Variants in AFAP1 observed in about 807,000 individuals in gnomAD.
AFAP1 encodes the protein actin filament associated protein 1.
Under a neutral mutation model 93.9 loss-of-function variants are expected in AFAP1, and 75 were observed. That is an observed-to-expected ratio of 0.80 (90% CI 0.66 to 0.97). AFAP1 has a LOEUF of 0.97. Ranked by LOEUF, AFAP1 falls within the 50% of genes least tolerant of loss-of-function variation. AFAP1 has a pLI of 0.00. For missense variants in AFAP1, 1,201 were observed against 1,050.8 expected (o/e 1.14, Z -1.98); for synonymous variants, 517 against 430.7 (o/e 1.20, Z -2.48).
At chr4:7,804,266 G>A (rs1719307238) in intron 9 of AFAP1, among the ~76,000 whole-genome samples, 1 of 152,220 alleles carries the variant, frequency 6.6e-6, no homozygotes, top group African/African-American at 2.4e-5. Flanking sequence ...GCAGGCGGGA[G>A]CTTCAAGGCT....
chr4:7,785,648 G>A (rs113360052), intron 12 of AFAP1, among the ~76,000 whole-genome samples: 73 of 152,288 alleles, frequency 4.8e-4, no homozygotes, highest in African/African-American at 1.4e-3. Flanking sequence ...TAGTGACAGC[G>A]ACATTAGGCC....
intron 11 of AFAP1, among the ~76,000 whole-genome samples, chr4:7,789,581 C>T (rs112491521): frequency 0.1 from 12,203 of 119,384 alleles, 1,559 homozygotes; most frequent in Admixed American, 0.18. Flanking sequence ...CATCTCCCCA[C>T]GCTCCGCACC....
At chr4:7,862,679 G>T (rs6838073) in intron 3 of AFAP1, among the ~76,000 whole-genome samples, 1 of 152,014 alleles carries the variant, frequency 6.6e-6, no homozygotes, top group Admixed American at 6.5e-5. Flanking sequence ...ATAAGTTCTG[G>T]CCCTAAAATA....
intron 8 of AFAP1, among the ~76,000 whole-genome samples, chr4:7,813,090 T>C (rs1217464886): frequency 2.6e-5 from 4 of 151,920 alleles, no homozygotes; most frequent in Non-Finnish European, 5.9e-5. Context: ...TTTGACCGCA[T>C]GGAGCCTGGA....
At chr4:7,874,969 A>G (rs1717401026) in intron 1 of AFAP1, among the ~76,000 whole-genome samples, 1 of 152,202 alleles carries the variant, frequency 6.6e-6, no homozygotes, top group South Asian at 2.1e-4. Context: ...TCATATAAAT[A>G]AAGCTCTTTA....
intron 1 of AFAP1, among the ~76,000 whole-genome samples, chr4:7,923,188 T>C (rs1461406275): frequency 2.0e-5 from 3 of 152,190 alleles, no homozygotes; most frequent in African/African-American, 7.2e-5. Flanking sequence ...ACTATCTTTA[T>C]ATAAAGGAAT....
intron 1 of AFAP1, among the ~76,000 whole-genome samples, chr4:7,932,111 G>A (rs1721103855): frequency 6.6e-6 from 1 of 151,722 alleles, no homozygotes. Flanking sequence ...ACCCTCCTAG[G>A]CCTCCCAAAG....
At position 7,847,224 on chromosome 4, in the gene AFAP1, G is replaced by A. The variant is rs1306670940; in HGVS notation, c.335-3874C>T. On this transcript the variant is annotated intron_variant, in intron 4 of 17. Coordinates refer to ENST00000420658, the MANE Select transcript of AFAP1 (RefSeq NM_001134647.2). ...CCCAATCAAGAGAACTCTCCAGAAA[G>A]TATGCTTAGCGATGACCCAATCAAG... Among the ~76,000 whole-genome samples the A allele has an allele frequency of 2.0e-5, 3 of 152,176 alleles. No individual in the cohort carries two copies. In the East Asian group the frequency reaches 5.8e-4, roughly 29 times the overall value.
intron 1 of AFAP1, among the ~76,000 whole-genome samples, chr4:7,883,614 C>G (rs556347039): frequency 1.9e-4 from 29 of 152,246 alleles, no homozygotes; most frequent in Non-Finnish European, 3.8e-4. Context: ...GAAAGTAAAC[C>G]TGGTAAAGCA....
intron 9 of AFAP1, among the ~76,000 whole-genome samples, chr4:7,807,304 A>G (rs536710065): frequency 2.6e-5 from 4 of 152,210 alleles, no homozygotes; most frequent in Non-Finnish European, 5.9e-5. Context: ...CCCGCTTTCT[A>G]TTGTTAATCG....
chr4:7,825,811 G>C (rs1721371061), intron 6 of AFAP1, among the ~76,000 whole-genome samples: 1 of 151,838 alleles, frequency 6.6e-6, no homozygotes, highest in Admixed American at 6.6e-5. Flanking sequence ...TTTTTTGAGA[G>C]AACTAATAAA....
chr4:7,905,422 C>T (rs978490064), intron 1 of AFAP1, among the ~76,000 whole-genome samples: 1 of 152,200 alleles, frequency 6.6e-6, no homozygotes, highest in Admixed American at 6.5e-5. Context: ...AATAAAACCA[C>T]AAAAGGATAA....
chr4:7,845,003 C>T (rs1175298722), intron 4 of AFAP1, among the ~76,000 whole-genome samples: 2 of 152,238 alleles, frequency 1.3e-5, no homozygotes, highest in Admixed American at 1.3e-4. Context: ...TTTTTACTTG[C>T]TGGAAACTGG....
At chr4:7,936,902 G>T (rs1195415347) in intron 1 of AFAP1, among the ~76,000 whole-genome samples, 2 of 152,030 alleles carry the variant, frequency 1.3e-5, no homozygotes, top group Non-Finnish European at 2.9e-5. Context: ...TTTTAAACTA[G>T]GCTTCAAACC....
At chr4:7,863,351 G>A (rs113733223) in intron 3 of AFAP1, among the ~76,000 whole-genome samples, 154 of 152,202 alleles carry the variant, frequency 1.0e-3, no homozygotes, top group African/African-American at 3.4e-3. Flanking sequence ...CCAGGGAAGC[G>A]GAGGCTGCAG....
chr4:7,899,245 C>T (rs76613290), intron 1 of AFAP1, among the ~76,000 whole-genome samples: 2,758 of 152,138 alleles, frequency 0.018, 28 homozygotes, highest in Non-Finnish European at 0.028. Flanking sequence ...CCACTGATAT[C>T]CTCACAAACT....
At chr4:7,913,064 G>A (rs531071832) in intron 1 of AFAP1, among the ~76,000 whole-genome samples, 71 of 152,186 alleles carry the variant, frequency 4.7e-4, no homozygotes, top group Non-Finnish European at 9.3e-4. Flanking sequence ...TATCCAGGCT[G>A]GTCTGCAACT....
Position 7,774,735 on chromosome 4 carries a change from A to G in AFAP1, c.2062+4T>C. ...CCCTGGGCAGTCACCCACACCCTTC[A>G]TACCGGCGTTCACTTCAATAGCCGC... On this transcript the variant is annotated splice_donor_region_variant and intron_variant, in intron 15 of 17. Transcript: ENST00000420658. 6.2e-7 allele frequency: 1 copy of G among 1,613,980 alleles called. No homozygotes were observed.
At chr4:7,915,922 T>A (rs975986670) in intron 1 of AFAP1, among the ~76,000 whole-genome samples, 1 of 152,202 alleles carries the variant, frequency 6.6e-6, no homozygotes, top group African/African-American at 2.4e-5. Context: ...AGAATTTTTT[T>A]AAAAGTGGGG....
Sources: gnomAD v4.1 joint callset for allele counts (sites outside exome capture counted in the v4.1 genomes callset) on GRCh38, gnomAD v4.1.1 for gene constraint, MANE v1.5 for transcripts, NCBI Gene and HGNC (gene_info 2026-07-23, HGNC 2026-07-21) for gene names.